The following GLB1L2 variants were observed in gnomAD, a reference collection of about 807,000 sequenced individuals.
GLB1L2 encodes beta-galactosidase-1-like protein 2.
In GLB1L2, 68 loss-of-function variants were observed where a neutral mutation model predicts 84.1. The observed-to-expected ratio is 0.81, with a 90% confidence interval of 0.67 to 0.99. GLB1L2 has a LOEUF of 0.99. GLB1L2 is among the 50% of genes least tolerant of loss of function. The pLI, the probability that GLB1L2 is intolerant of heterozygous loss-of-function variation, is 0.00. For missense variants in GLB1L2, 762 were observed against 805.6 expected (o/e 0.95, Z 0.66); for synonymous variants, 290 against 318.0 (o/e 0.91, Z 0.94).
At chr11:134,341,364 T>C (rs1332678485) in intron 1 of GLB1L2, among the ~76,000 whole-genome samples, 1 of 148,920 alleles carries the variant, frequency 6.7e-6, no homozygotes, top group African/African-American at 2.5e-5. Flanking sequence ...CCCACAGAAC[T>C]GGTGTCACTA....
Position 134,340,572 on chromosome 11 carries a change from G to A in GLB1L2, c.87-2182G>A, listed in dbSNP as rs572521238. 6.6e-4 allele frequency among the ~76,000 whole-genome samples: 101 copies of A among 152,344 alleles called. 1 individual carries two copies. Among genetic ancestry groups the A allele is most frequent in the African/African-American group, 2.4e-3 (99 of 41,578 alleles). On this transcript the variant is annotated intron_variant, in intron 1 of 18. Transcript: ENST00000535456. ...GCCAAAGCAAAGCGCCTGGTGAGCA[G>A]AGCAGGGGGCACCAAAAGAAGGCCC...
At chr11:134,369,783 G>A (rs968626027) in intron 10 of GLB1L2, 22 bp from the exon 11 acceptor site, 1 of 1,602,930 alleles carries the variant, frequency 6.2e-7, no homozygotes, top group Non-Finnish European at 8.5e-7. Flanking sequence ...GAATGACCAT[G>A]ACAGGGCCCG....
intron 6 of GLB1L2, among the ~76,000 whole-genome samples, chr11:134,357,838 A>C (rs762765077): frequency 1.2e-4 from 18 of 152,250 alleles, no homozygotes; most frequent in Non-Finnish European, 2.5e-4. Flanking sequence ...AGCTCTGCAG[A>C]TCTCTGGTGC....
At chr11:134,350,294 C>T in intron 5 of GLB1L2, among the ~76,000 whole-genome samples, 1 of 152,188 alleles carries the variant, frequency 6.6e-6, no homozygotes, top group African/African-American at 2.4e-5. Context: ...AACTCAAGTT[C>T]CAATCACTAG....
rs556858161 is a variant in GLB1L2 at position 134,332,030 on chromosome 11, G to A, written c.-32G>A. The A allele has an allele frequency of 4.0e-6, 6 of 1,494,400 alleles. No individual in the cohort carries two copies. In the East Asian group the frequency reaches 1.6e-4, roughly 39 times the overall value. 92.6% of individuals were successfully genotyped at this position (1,494,400 alleles called of 1,614,324 possible). ...CGCGGCTGAGTGCGGACTGGAGTGG[G>A]AACCCGGGTCCCCGCGCTTAGAGAA... On this transcript the variant is annotated 5_prime_UTR_variant, in exon 1 of 19. Transcript: ENST00000535456.
chr11:134,335,453 T>C (rs1943370462), intron 1 of GLB1L2, among the ~76,000 whole-genome samples: 1 of 152,160 alleles, frequency 6.6e-6, no homozygotes, highest in South Asian at 2.1e-4. Context: ...ATCGGGGAAG[T>C]GTCTCTTTCA....
At chr11:134,357,328 C>T (rs949508991) in intron 6 of GLB1L2, among the ~76,000 whole-genome samples, 28 of 152,344 alleles carry the variant, frequency 1.8e-4, no homozygotes, top group Admixed American at 1.5e-3. Flanking sequence ...TGGGTTCATG[C>T]GTACTCTTCC....
At position 134,347,570 on chromosome 11, in the gene GLB1L2, G is replaced by A. The variant is rs149951118; in HGVS notation, c.558+137G>A. On this transcript the variant is annotated intron_variant, in intron 5 of 18. Coordinates refer to ENST00000535456, the MANE Select transcript of GLB1L2 (RefSeq NM_001370461.1). ...GGCTCTTCCTCACCGTCCGAGACTC[G>A]TAACTGAGGGGCTTGCAAGAGTTGT... The A allele has an allele frequency of 1.2e-3, 771 of 654,428 alleles. 2 individuals are homozygous for A. The highest frequency in any genetic ancestry group is 5.9e-3 in the Admixed American group (253 of 42,952). 40.5% of individuals were successfully genotyped at this position (654,428 alleles called of 1,614,324 possible).
At chr11:134,335,090 C>G (rs1372623735) in intron 1 of GLB1L2, among the ~76,000 whole-genome samples, 1 of 152,170 alleles carries the variant, frequency 6.6e-6, no homozygotes, top group Admixed American at 6.5e-5. Flanking sequence ...CATTTCTTCT[C>G]TGAGGTCCGT....
At position 134,334,665 on chromosome 11, in the gene GLB1L2, G is replaced by C. The variant is rs907857805; in HGVS notation, c.86+2518G>C. On this transcript the variant is annotated intron_variant, in intron 1 of 18. Transcript: ENST00000535456. This position sits in a 1 kb window ranked among gnomAD's most constrained non-coding sequence, Gnocchi z 4.1. ...TCATCCCTCCCTCCTACTCCTCCCT[G>C]CTCCCCAGCCCCAAGCAACCACTGA... 7.2e-5 allele frequency among the ~76,000 whole-genome samples: 11 copies of C among 151,920 alleles called. No homozygotes were observed. The highest frequency in any genetic ancestry group is 2.4e-4 in the African/African-American group (10 of 41,310).
At position 134,368,818 on chromosome 11, in the gene GLB1L2, C is replaced by T. The variant is rs750265921; in HGVS notation, c.1027+37C>T. 5.6e-6 allele frequency: 9 copies of T among 1,609,412 alleles called. No individual in the cohort carries two copies. In the African/African-American group the frequency reaches 8.0e-5, roughly 14 times the overall value. The stretch of plus-strand genomic sequence containing the variant: ...TCAGCACTGCTCTCCCTGGTCTGCC[C>T]TGCATGGGCATGGCTGGGACTTGCT... On this transcript the variant is annotated intron_variant, in intron 10 of 18. Transcript: ENST00000535456.
Position 134,347,140 on chromosome 11 carries a change from C to T in GLB1L2, c.450-185C>T, listed in dbSNP as rs551807916. Reference sequence around the variant, plus strand: ...CTTGGGGAGGGAAGCTGCAGGAGTGCGGGTGGGTGCTCGCCCCAGAATCGG... The same window carrying T: ...CTTGGGGAGGGAAGCTGCAGGAGTGTGGGTGGGTGCTCGCCCCAGAATCGG... On this transcript the variant is annotated intron_variant, in intron 4 of 18. Coordinates refer to ENST00000535456, the MANE Select transcript of GLB1L2 (RefSeq NM_001370461.1). 1.8e-3 allele frequency: 1,085 copies of T among 601,570 alleles called. 16 individuals carry two copies. The highest frequency in any genetic ancestry group is 0.015 in the South Asian group (744 of 48,362). The allele number at this position is 601,570 out of a possible 1,614,324, so 37.3% of individuals were successfully genotyped here.
chr11:134,340,601 C>T (rs1000989681), intron 1 of GLB1L2, among the ~76,000 whole-genome samples: 2 of 152,292 alleles, frequency 1.3e-5, no homozygotes, highest in East Asian at 3.9e-4. Flanking sequence ...AAGGCCCGGA[C>T]GGTGGCCCAG....
chr11:134,343,353 C>G (rs1261479397), intron 2 of GLB1L2, among the ~76,000 whole-genome samples: 1 of 152,138 alleles, frequency 6.6e-6, no homozygotes, highest in Non-Finnish European at 1.5e-5. Context: ...GGGCAGTGGT[C>G]TTAGAATGCT....
chr11:134,373,803 T>C lies in GLB1L2; in HGVS notation c.1590T>C (p.Phe530=), dbSNP rs754630747. The change falls in exon 16 of 19, where the codon TTT becomes TTC. Residue 530 remains phenylalanine, a synonymous_variant. Transcript: ENST00000535456. ...IYSLDMKKSF[F]QRFGLDKWSS... ...GCCTGGATATGAAGAAGAGCTTCTT[T>C]CAGAGGTGGGTCCCTGCCCAGCACC... The C allele has an allele frequency of 4.4e-6, 7 of 1,604,764 alleles. No homozygotes were observed. Among genetic ancestry groups the C allele is most frequent in the Admixed American group, 1.7e-5 (1 of 59,918 alleles).
chr11:134,359,058 A>C lies in GLB1L2; in HGVS notation c.652-2A>C, dbSNP rs766502573. 1.3e-6 allele frequency: 2 copies of C among 1,585,152 alleles called. No homozygotes were observed. The highest frequency in any genetic ancestry group is 1.7e-6 in the Non-Finnish European group (2 of 1,165,350). ...CGAGGGCTTGTCTCATTTCCCCCAC[A>C]GGCACTGGAGGACCGTGGCATTGTG... On this transcript the variant is annotated splice_acceptor_variant, in intron 6 of 18. Coordinates refer to ENST00000535456, the MANE Select transcript of GLB1L2 (RefSeq NM_001370461.1). LOFTEE classifies it high-confidence loss of function.
chr11:134,357,406 C>T (rs1172321409), intron 6 of GLB1L2, among the ~76,000 whole-genome samples: 3 of 152,248 alleles, frequency 2.0e-5, no homozygotes, highest in Non-Finnish European at 4.4e-5. Flanking sequence ...TGGCATTCCT[C>T]AAGCTGGAAA....
At chr11:134,333,932 G>C (rs78751165) in intron 1 of GLB1L2, among the ~76,000 whole-genome samples, 1,701 of 152,308 alleles carry the variant, frequency 0.011, 29 homozygotes, top group African/African-American at 0.035. Flanking sequence ...TCAGGGCCGT[G>C]TCTTCAGATC....
chr11:134,358,050 G>A (rs530550683), intron 6 of GLB1L2, among the ~76,000 whole-genome samples: 32 of 152,334 alleles, frequency 2.1e-4, no homozygotes, highest in Non-Finnish European at 4.4e-4. Flanking sequence ...CTGTGCCTGA[G>A]ACCAGAGCCC....
Sources: gnomAD v4.1 joint callset for allele counts (sites outside exome capture counted in the v4.1 genomes callset) on GRCh38, gnomAD v4.1.1 for gene constraint, Gnocchi (gnomAD v3.1) non-coding constraint, MANE v1.5 for transcripts, NCBI Gene and HGNC (gene_info 2026-07-23, HGNC 2026-07-21) for gene names.